Variants in RNF216 observed in about 807,000 individuals in gnomAD.
RNF216 encodes ring finger protein 216, also known as E3 ubiquitin-protein ligase RNF216.
RNF216 carries 72 observed loss-of-function variants against 110.8 expected under a neutral mutation model. The ratio of observed to expected loss-of-function variants is 0.65; its 90% confidence interval spans 0.54 to 0.79. The LOEUF is 0.79. Among genes scored for constraint, RNF216 ranks in the 30% least tolerant of loss-of-function variants. The pLI, the probability that RNF216 is intolerant of heterozygous loss-of-function variation, is 0.00. For synonymous variants in RNF216, 495 were observed against 407.5 expected (o/e 1.21, Z -2.59); for missense variants, 1,342 against 1,141.2 (o/e 1.18, Z -2.54).
intron 10 of RNF216, among the ~76,000 whole-genome samples, chr7:5,715,989 C>T (rs1343117755): frequency 6.6e-6 from 1 of 152,102 alleles, no homozygotes; most frequent in Non-Finnish European, 1.5e-5. Flanking sequence ...GATGTGCCTG[C>T]CTTGGCCTTC....
chr7:5,653,731 C>T (rs1276277619), intron 13 of RNF216, among the ~76,000 whole-genome samples: 1 of 151,768 alleles, frequency 6.6e-6, no homozygotes, highest in Non-Finnish European at 1.5e-5. Flanking sequence ...TTAAGTGGGG[C>T]CCTGATCTAG....
At chr7:5,779,165 G>C (rs1167212577) in intron 1 of RNF216, among the ~76,000 whole-genome samples, 2 of 152,186 alleles carry the variant, frequency 1.3e-5, no homozygotes, top group Non-Finnish European at 2.9e-5. Context: ...TTAAATAGTA[G>C]CTGGTAGTAG....
intron 14 of RNF216, among the ~76,000 whole-genome samples, chr7:5,651,024 C>A (rs1788353338): frequency 6.6e-6 from 1 of 152,192 alleles, no homozygotes; most frequent in African/African-American, 2.4e-5. Context: ...ACGTGACAAT[C>A]TAGACCAATG....
chr7:5,691,377 C>A (rs578071562), intron 13 of RNF216, among the ~76,000 whole-genome samples: 1 of 152,156 alleles, frequency 6.6e-6, no homozygotes, highest in Non-Finnish European at 1.5e-5. Flanking sequence ...GGCTGGATTG[C>A]TCCTGGCTGG....
Position 5,761,061 on chromosome 7 carries a change from C to T in RNF216, c.9G>A (p.Glu3=), listed in dbSNP as rs1480235708. The change falls in exon 2 of 17, where the codon GAG becomes GAA. Residue 3 remains glutamate (E), a synonymous_variant. Coordinates refer to ENST00000389902, the MANE Select transcript of RNF216 (RefSeq NM_207111.4). ...GAATTACCTCTTCATTGTTGTTTCCCTCTTCCATTTTCAAATGCAGACATG... is the reference window on the plus strand; with the variant it reads ...GAATTACCTCTTCATTGTTGTTTCCTTCTTCCATTTTCAAATGCAGACATG... ME[E]GNNNEEVIHL... 1.9e-6 allele frequency: 3 copies of T among 1,579,794 alleles called. No individual in the cohort carries two copies. The highest frequency in any genetic ancestry group is 2.6e-6 in the Non-Finnish European group (3 of 1,168,528).
rs1333582996 is a variant in RNF216 at position 5,696,988 on chromosome 7, A to T, written c.2061+14773T>A. ...TGTGTCCCTCCATTACGCCAGCAACAGCTCCAGGGACGGGGGTAGGGGAAG... is the reference window on the plus strand; with the variant it reads ...TGTGTCCCTCCATTACGCCAGCAACTGCTCCAGGGACGGGGGTAGGGGAAG... On this transcript the variant is annotated intron_variant, in intron 13 of 16. Transcript: ENST00000389902. This position sits in a 1 kb window ranked among gnomAD's most constrained non-coding sequence, Gnocchi z 5.4. Among the ~76,000 whole-genome samples the T allele has an allele frequency of 2.6e-5, 4 of 152,158 alleles. No individual in the cohort carries two copies. The highest frequency in any genetic ancestry group is 9.7e-5 in the African/African-American group (4 of 41,436).
chr7:5,721,829 T>C (rs1793444278), intron 8 of RNF216, among the ~76,000 whole-genome samples: 2 of 152,230 alleles, frequency 1.3e-5, no homozygotes, highest in African/African-American at 4.8e-5. Flanking sequence ...CACCACAATA[T>C]ATTATAACAT....
rs937731537 is a variant in RNF216 at position 5,652,594 on chromosome 7, G to C, written c.2062-84C>G. ...CTGTTCAACAAAAGGGATATGAAAT[G>C]AGCTTTACTTGGCTTGAATTCTTTC... is the stretch of plus-strand genomic sequence containing the variant. On this transcript the variant is annotated intron_variant, in intron 13 of 16. Coordinates refer to ENST00000389902, the MANE Select transcript of RNF216 (RefSeq NM_207111.4). 8.0e-6 allele frequency: 7 copies of C among 877,346 alleles called. No individual in the cohort carries two copies. In the African/African-American group the frequency reaches 1.2e-4, roughly 15 times the overall value. 54.3% of individuals were successfully genotyped at this position (877,346 alleles called of 1,614,324 possible).
intron 2 of RNF216, among the ~76,000 whole-genome samples, chr7:5,756,368 T>C (rs146343316): frequency 0.019 from 2,924 of 152,274 alleles, 58 homozygotes; most frequent in Admixed American, 0.036. Context: ...CATGCTACAA[T>C]GGTATAGCTG....
In RNF216 at chr7:5,641,193, G is replaced by T. The variant is rs1002652158; in HGVS notation, c.2343C>A (p.Cys781Ter). Residue 781 changes from cysteine to a stop codon, truncating the protein, a stop_gained, in exon 15 of 17, where the codon TGC (cysteine) becomes TGA (stop). Transcript: ENST00000389902. LOFTEE classifies it high-confidence loss of function. ...AGAGAGAGCATCTTGAACACTCCTGGCAAGGGGCTCCTGGTGAGCGGGGAT... is the reference window on the plus strand; with the variant it reads ...AGAGAGAGCATCTTGAACACTCCTGTCAAGGGGCTCCTGGTGAGCGGGGAT... ...CQHPRSPGAPCQECSRCSLWT... is the reference protein window; with the variant it reads ...CQHPRSPGAP 6.2e-7 allele frequency: 1 copy of T among 1,614,120 alleles called. No individual in the cohort carries two copies. Among genetic ancestry groups the T allele is most frequent in the South Asian group, 1.1e-5 (1 of 91,084 alleles).
chr7:5,729,860 C>A (rs1793984358), intron 6 of RNF216, among the ~76,000 whole-genome samples: 1 of 152,272 alleles, frequency 6.6e-6, no homozygotes, highest in Middle Eastern at 3.4e-3. Flanking sequence ...TCTTTCCATA[C>A]CATATTTACG....
chr7:5,771,484 T>C (rs1796490812), intron 1 of RNF216, among the ~76,000 whole-genome samples: 1 of 152,106 alleles, frequency 6.6e-6, no homozygotes. Flanking sequence ...ATAAAAACTC[T>C]TGCATGTTAA....
intron 13 of RNF216, among the ~76,000 whole-genome samples, chr7:5,659,626 G>A (rs1422112008): frequency 6.6e-6 from 1 of 152,200 alleles, no homozygotes; most frequent in Non-Finnish European, 1.5e-5. Flanking sequence ...TTAAAGGGAT[G>A]GTTTGCTGGG....
chr7:5,747,514 T>C (rs1448117462), intron 3 of RNF216, among the ~76,000 whole-genome samples: 1 of 152,214 alleles, frequency 6.6e-6, no homozygotes, highest in African/African-American at 2.4e-5. Flanking sequence ...GTTTCAGCTC[T>C]ACGGTGTTAT....
At chr7:5,748,639 CACACA>C (rs1795169749) in intron 3 of RNF216, among the ~76,000 whole-genome samples, 1 of 149,972 alleles carries the variant, frequency 6.7e-6, no homozygotes, top group Admixed American at 6.6e-5. Flanking sequence ...CACACACACA[CACACA>C]CACACACACA....
intron 15 of RNF216, among the ~76,000 whole-genome samples, chr7:5,634,138 T>C (rs1200666724): frequency 6.6e-6 from 1 of 152,222 alleles, no homozygotes; most frequent in African/African-American, 2.4e-5. Context: ...TTGAGACTTT[T>C]TTTCCAACAC....
chr7:5,721,056 G>T lies in RNF216; in HGVS notation c.1621C>A (p.Gln541Lys), dbSNP rs374254730. 3.1e-6 allele frequency: 5 copies of T among 1,614,168 alleles called. No homozygotes were observed. In the African/African-American group the frequency reaches 5.3e-5, roughly 17 times the overall value. Residue 541 changes from glutamine to lysine, a missense_variant, in exon 9 of 17, where the codon CAG (glutamine) becomes AAG (lysine). Gln to Lys is a moderately conservative substitution (Grantham distance 53). Transcript: ENST00000389902. The stretch of plus-strand genomic sequence containing the variant: ...ACCTCTGCCATCTCTTTGATTTTCT[G>T]CTCATAGAACTCCTGCTCTTGTTGC... ...AVQQEQEFYE[Q>K]KIKEMAEHED... is the part of the protein sequence containing the mutation.
At chr7:5,763,728 C>T (rs1178686685) in intron 1 of RNF216, among the ~76,000 whole-genome samples, 1 of 152,168 alleles carries the variant, frequency 6.6e-6, no homozygotes, top group South Asian at 2.1e-4. Flanking sequence ...CACCACCATG[C>T]CTAGCTGAAT....
At chr7:5,722,185 A>G (rs1414783638) in intron 8 of RNF216, among the ~76,000 whole-genome samples, 1 of 152,292 alleles carries the variant, frequency 6.6e-6, no homozygotes, top group South Asian at 2.1e-4. Flanking sequence ...TGGCCTCCCA[A>G]AGTGCTGGGA....
Sources: allele counts gnomAD v4.1 joint callset (sites outside exome capture counted in the v4.1 genomes callset), GRCh38; gene constraint gnomAD v4.1.1; non-coding constraint Gnocchi (gnomAD v3.1); transcripts MANE v1.5; gene names NCBI Gene and HGNC (gene_info 2026-07-23, HGNC 2026-07-21).